Variants in MITF observed in about 807,000 individuals in gnomAD.
MITF encodes melanocyte inducing transcription factor.
In MITF, 17 loss-of-function variants were observed where a neutral mutation model predicts 60.5. The ratio of observed to expected loss-of-function variants is 0.28; its 90% CI spans 0.19 to 0.42. MITF has a LOEUF of 0.42. Ranked by LOEUF, MITF falls within the 10% of genes least tolerant of loss-of-function variation. MITF has a pLI of 1.00. For missense variants in MITF, 622 were observed against 683.5 expected, an observed-to-expected ratio of 0.91 and a Z score of 1.00; for synonymous variants, 260 against 248.5, an observed-to-expected ratio of 1.05 and a Z score of -0.43.
chr3:69,933,226 A>T (rs957869567), intron 2 of MITF, among the ~76,000 whole-genome samples: 3 of 152,032 alleles, frequency 2.0e-5, no homozygotes, highest in Non-Finnish European at 4.4e-5. Flanking sequence ...AACTAAAAGG[A>T]TTAAGAAAAT....
intron 1 of MITF, among the ~76,000 whole-genome samples, chr3:69,801,182 A>G (rs1276791274): frequency 6.6e-6 from 1 of 152,088 alleles, no homozygotes; most frequent in Admixed American, 6.5e-5. Flanking sequence ...GACGTTAGCC[A>G]AGCTCATTTT....
rs2066675917 is a variant in MITF at position 69,965,778 on chromosome 3, C to G, written c.*530C>G. On this transcript the variant is annotated 3_prime_UTR_variant, in exon 10 of 10. Transcript: ENST00000352241. ...CCTCTAGCTTTGTTTAGTCTTTATA[C>G]TGCAAACTATTTAAAGAAATATGTA... The G allele has an allele frequency of 4.3e-6, 1 of 230,598 alleles. No individual in the cohort carries two copies. The highest frequency in any genetic ancestry group is 1.8e-4 in the South Asian group (1 of 5,538). The allele number at this position is 230,598 out of a possible 1,614,324, so 14.3% of individuals were successfully genotyped here.
intron 1 of MITF, among the ~76,000 whole-genome samples, chr3:69,786,613 A>T (rs1318111499): frequency 6.6e-6 from 1 of 152,130 alleles, no homozygotes; most frequent in Non-Finnish European, 1.5e-5. Context: ...CACCGAGATG[A>T]CTGGTGACAA....
intron 1 of MITF, among the ~76,000 whole-genome samples, chr3:69,824,175 C>G (rs1276475553): frequency 6.6e-6 from 1 of 152,098 alleles, no homozygotes; most frequent in African/African-American, 2.4e-5. Context: ...GAAAATAAGA[C>G]AATTTGAATG....
chr3:69,932,858 G>A (rs562864910), intron 2 of MITF, among the ~76,000 whole-genome samples: 32 of 152,120 alleles, frequency 2.1e-4, no homozygotes, highest in Non-Finnish European at 3.5e-4. Context: ...CATTCTCTAT[G>A]GATTGCCATT....
chr3:69,780,154 C>A (rs1184910100), intron 1 of MITF, among the ~76,000 whole-genome samples: 1 of 152,078 alleles, frequency 6.6e-6, no homozygotes, highest in African/African-American at 2.4e-5. Flanking sequence ...AGAGACAGGG[C>A]AATGCAACTG....
At chr3:69,781,289 T>A (rs777992425) in intron 1 of MITF, among the ~76,000 whole-genome samples, 72 of 152,316 alleles carry the variant, frequency 4.7e-4, no homozygotes, top group South Asian at 8.3e-4. Flanking sequence ...TAATCATGTA[T>A]CTTTTCAGAA....
At chr3:69,740,313 G>C (rs1381562396) in intron 1 of MITF, among the ~76,000 whole-genome samples, 1 of 152,172 alleles carries the variant, frequency 6.6e-6, no homozygotes, top group African/African-American at 2.4e-5. Flanking sequence ...CCAGGGCAGC[G>C]GTGGGCGTGT....
chr3:69,744,672 GA>G (rs764779047), intron 1 of MITF, among the ~76,000 whole-genome samples: 1 of 152,186 alleles, frequency 6.6e-6, no homozygotes, highest in Non-Finnish European at 1.5e-5. Flanking sequence ...TGGCATTTTG[GA>G]AGGTGTTTTG....
intron 1 of MITF, among the ~76,000 whole-genome samples, chr3:69,756,909 TTTG>T (rs1286580549): frequency 6.6e-6 from 1 of 152,202 alleles, no homozygotes; most frequent in African/African-American, 2.4e-5. Flanking sequence ...TTTAAATATG[TTTG>T]TTGGCCGCAT....
chr3:69,867,991 G>A (rs1261295274), intron 1 of MITF, among the ~76,000 whole-genome samples: 5 of 152,144 alleles, frequency 3.3e-5, no homozygotes, highest in Admixed American at 3.3e-4. Flanking sequence ...TGAATTAATT[G>A]TTTTGTATTT....
intron 3 of MITF, 151 bp from the exon 4 acceptor site, chr3:69,938,947 C>T (rs2065906408): frequency 1.3e-6 from 2 of 1,516,568 alleles, no homozygotes; most frequent in African/African-American, 2.8e-5. Flanking sequence ...GACACAAGTT[C>T]TTCCTTCATT....
intron 1 of MITF, among the ~76,000 whole-genome samples, chr3:69,787,910 T>G (rs192089716): frequency 6.6e-6 from 1 of 152,224 alleles, no homozygotes; most frequent in Non-Finnish European, 1.5e-5. Flanking sequence ...GCTGACTGTG[T>G]GCTGGGTAAG....
intron 1 of MITF, among the ~76,000 whole-genome samples, chr3:69,791,585 GA>G (rs1472894172): frequency 6.6e-6 from 1 of 152,212 alleles, no homozygotes; most frequent in Admixed American, 6.5e-5. Context: ...AAGTTAAGAA[GA>G]ATGGCTACTT....
At chr3:69,760,589 G>A (rs2062198008) in intron 1 of MITF, among the ~76,000 whole-genome samples, 1 of 152,216 alleles carries the variant, frequency 6.6e-6, no homozygotes. Flanking sequence ...TTTGGGAGTT[G>A]CCATGGCATT....
At chr3:69,828,065 C>A (rs1366644159) in intron 1 of MITF, among the ~76,000 whole-genome samples, 1 of 152,082 alleles carries the variant, frequency 6.6e-6, no homozygotes, top group African/African-American at 2.4e-5. Flanking sequence ...ATACAGTTGG[C>A]CCAAGGTATG....
chr3:69,956,380 A>T, intron 7 of MITF, 75 bp from the exon 8 acceptor site: 1 of 1,169,324 alleles, frequency 8.6e-7, no homozygotes, highest in Non-Finnish European at 1.3e-6. Context: ...TAATATGCAC[A>T]TGCCTTTAAT....
chr3:69,860,546 G>A (rs927045958), intron 1 of MITF, among the ~76,000 whole-genome samples: 40 of 148,992 alleles, frequency 2.7e-4, no homozygotes, highest in African/African-American at 9.4e-4. Flanking sequence ...TGCAGTGAGC[G>A]GAGATCGCGC....
At chr3:69,740,166 G>A (rs1025601606) in intron 1 of MITF, among the ~76,000 whole-genome samples, 1 of 152,198 alleles carries the variant, frequency 6.6e-6, no homozygotes, top group Non-Finnish European at 1.5e-5. Flanking sequence ...ACATTGGAGG[G>A]AAGCAATTAG....
Sources: allele counts gnomAD v4.1 joint callset (sites outside exome capture counted in the v4.1 genomes callset), GRCh38; gene constraint gnomAD v4.1.1; transcripts MANE v1.5; gene names NCBI Gene and HGNC (gene_info 2026-07-23, HGNC 2026-07-21).